TENM4: variants seen among roughly 807,000 people sequenced by gnomAD.
The protein encoded by TENM4 is teneurin-4.
TENM4 carries 82 observed loss-of-function variants against 243.3 expected under a neutral mutation model. That is an observed-to-expected ratio of 0.34 (90% CI 0.28 to 0.40). The LOEUF is 0.40. Among genes scored for constraint, TENM4 ranks in the 10% least tolerant of loss-of-function variants. The pLI is 1.00. For missense variants in TENM4, 3,138 were observed against 3,673.3 expected, an observed-to-expected ratio of 0.85 and a Z score of 3.77; for synonymous variants, 1,412 against 1,456.3, an observed-to-expected ratio of 0.97 and a Z score of 0.69.
chr11:79,380,920 A>G (rs1857988399), intron 1 of TENM4, among the ~76,000 whole-genome samples: 1 of 152,182 alleles, frequency 6.6e-6, no homozygotes, highest in African/African-American at 2.4e-5. Flanking sequence ...ACCATAAGCC[A>G]TTCTCAATCT....
At chr11:78,790,116 AT>A (rs1335445256) in intron 15 of TENM4, among the ~76,000 whole-genome samples, 3 of 152,250 alleles carry the variant, frequency 2.0e-5, no homozygotes, top group African/African-American at 7.2e-5. Context: ...ACAGAGGTCA[AT>A]AAGATATAAT....
chr11:79,367,862 T>C (rs776690551), intron 1 of TENM4, among the ~76,000 whole-genome samples: 1 of 152,210 alleles, frequency 6.6e-6, no homozygotes, highest in Non-Finnish European at 1.5e-5. Flanking sequence ...GATCTTTCTT[T>C]TGGCAGGGTG....
At chr11:79,254,296 T>G (rs528370215) in intron 2 of TENM4, among the ~76,000 whole-genome samples, 22 of 152,302 alleles carry the variant, frequency 1.4e-4, no homozygotes, top group South Asian at 4.1e-4. Context: ...GTATGGCACA[T>G]TCAACAATGG....
rs539031637 is a variant in TENM4, at chr11:78,814,387, C to T, written c.1690G>A (p.Asp564Asn). Residue 564 changes from aspartate (D) to asparagine (N), a missense_variant, in exon 13 of 34, where the codon GAT (aspartate) becomes AAT (asparagine). Around this residue, in one of 2 missense-constraint regions of TENM4, gnomAD observed 2,467 missense variants for 3,059.1 expected, o/e 0.81. Transcript: ENST00000278550. ...SFLTTAIESV[D>N]NCPSNCYGNG... ...CCATAGCAGTTGCTGGGGCAGTTAT[C>T]CACCGACTCTGGGGAGAGAAAGGAG... The T allele has an allele frequency of 4.5e-6, 7 of 1,549,248 alleles. No homozygotes were observed. The East Asian group carries it at 1.7e-4, about 38-fold the overall frequency.
chr11:79,005,960 C>G (rs1301289927), intron 6 of TENM4, among the ~76,000 whole-genome samples: 1 of 152,196 alleles, frequency 6.6e-6, no homozygotes, highest in African/African-American at 2.4e-5. Flanking sequence ...AATGCCTAAG[C>G]TGAGAGCTAA....
At chr11:79,121,086 G>A (rs904172295) in intron 4 of TENM4, among the ~76,000 whole-genome samples, 24 of 152,158 alleles carry the variant, frequency 1.6e-4, no homozygotes, top group African/African-American at 5.8e-4. Context: ...TCTTAGATGG[G>A]GAGACAGAGA....
intron 2 of TENM4, among the ~76,000 whole-genome samples, chr11:79,277,551 C>G (rs1253960294): frequency 2.6e-5 from 4 of 152,122 alleles, no homozygotes; most frequent in African/African-American, 9.7e-5. Context: ...GTCATCAGGC[C>G]TGTTTGTTTC....
intron 2 of TENM4, among the ~76,000 whole-genome samples, chr11:79,246,857 G>C (rs1457091059): frequency 1.5e-5 from 2 of 135,056 alleles, no homozygotes; most frequent in East Asian, 4.8e-4. Flanking sequence ...GCCCAAGAAA[G>C]CTTTGGGAAT....
intron 1 of TENM4, among the ~76,000 whole-genome samples, chr11:79,372,034 C>A (rs1341575810): frequency 6.6e-6 from 1 of 152,100 alleles, no homozygotes; most frequent in Non-Finnish European, 1.5e-5. Flanking sequence ...CCTTTGAGAG[C>A]CCAAACAGCA....
At chr11:79,328,774 GATGT>G (rs1480999510) in intron 1 of TENM4, among the ~76,000 whole-genome samples, 4 of 108,824 alleles carry the variant, frequency 3.7e-5, no homozygotes, top group Non-Finnish European at 5.9e-5. Context: ...TACCATGCCT[GATGT>G]TAAGCATGCA....
intron 6 of TENM4, among the ~76,000 whole-genome samples, chr11:78,980,760 C>T (rs921323806): frequency 1.8e-4 from 27 of 152,180 alleles, no homozygotes; most frequent in Non-Finnish European, 1.2e-4. Context: ...ACCTACCTCA[C>T]AGGGTTGTAC....
intron 9 of TENM4, among the ~76,000 whole-genome samples, chr11:78,885,560 T>G (rs1191019726): frequency 6.6e-6 from 1 of 152,238 alleles, no homozygotes. Context: ...TGAAAATACC[T>G]GTAAATGTAT....
chr11:79,120,788 C>G (rs531889353), intron 4 of TENM4, among the ~76,000 whole-genome samples: 1 of 152,148 alleles, frequency 6.6e-6, no homozygotes, highest in African/African-American at 2.4e-5. Context: ...TGATCACAAC[C>G]AAAACCACTA....
At chr11:78,671,137 A>G (rs887877068) in intron 31 of TENM4, among the ~76,000 whole-genome samples, 1 of 152,216 alleles carries the variant, frequency 6.6e-6, no homozygotes, top group African/African-American at 2.4e-5. Flanking sequence ...GCTTTGCACA[A>G]TGACAGGTCA....
chr11:78,972,681 T>C (rs1286366269), intron 6 of TENM4, among the ~76,000 whole-genome samples: 2 of 152,322 alleles, frequency 1.3e-5, no homozygotes, highest in East Asian at 3.9e-4. Context: ...TATTGATGCA[T>C]AATTCACACA....
At chr11:79,155,225 G>C (rs1000639667) in intron 3 of TENM4, among the ~76,000 whole-genome samples, 1 of 152,166 alleles carries the variant, frequency 6.6e-6, no homozygotes, top group African/African-American at 2.4e-5. Flanking sequence ...ATGGAGGTGG[G>C]GCACACAGTA....
At chr11:78,734,070 T>A (rs1272702641) in intron 20 of TENM4, among the ~76,000 whole-genome samples, 1 of 152,126 alleles carries the variant, frequency 6.6e-6, no homozygotes, top group Admixed American at 6.5e-5. Context: ...TGGGTGCCTG[T>A]CATCCCAGCT....
At chr11:78,786,722 C>T (rs968870052) in intron 16 of TENM4, among the ~76,000 whole-genome samples, 176 bp downstream of exon 16, 3 of 152,218 alleles carry the variant, frequency 2.0e-5, no homozygotes, top group East Asian at 3.8e-4. Flanking sequence ...AATACCAAAT[C>T]GTGAGTTTAA....
intron 2 of TENM4, among the ~76,000 whole-genome samples, chr11:79,229,244 C>T (rs1474393233): frequency 6.6e-6 from 1 of 152,250 alleles, no homozygotes; most frequent in Admixed American, 6.5e-5. Flanking sequence ...CCTTGGTAGA[C>T]AGGTTCTGCC....
Sources: allele counts gnomAD v4.1 joint callset (sites outside exome capture counted in the v4.1 genomes callset), GRCh38; gene constraint gnomAD v4.1.1; regional missense constraint gnomAD v4.1.1; transcripts MANE v1.5; gene names NCBI Gene and HGNC (gene_info 2026-07-23, HGNC 2026-07-21).